RCC1: variants seen among roughly 807,000 people sequenced by gnomAD.
The protein encoded by RCC1 is regulator of chromosome condensation.
A neutral mutation model predicts 44.4 loss-of-function variants in RCC1; 11 were observed. That is an observed-to-expected ratio of 0.25 (90% confidence interval 0.16 to 0.41). The LOEUF (loss-of-function observed/expected upper bound fraction) is 0.41. Ranked by LOEUF, RCC1 falls within the 10% of genes least tolerant of loss-of-function variation. The pLI is 1.00. For missense variants in RCC1, 386 were observed against 547.1 expected (o/e 0.71, Z 2.94); for synonymous variants, 213 against 216.5 (o/e 0.98, Z 0.14).
chr1:28,532,704 G>T (rs1291201150), intron 7 of RCC1: 1 of 484,484 alleles, frequency 2.1e-6, no homozygotes, highest in East Asian at 6.0e-5. Context: ...CCAGAGGCTT[G>T]GATGGGGCAA....
chr1:28,520,914 C>T (rs1025508036), intron 4 of RCC1, among the ~76,000 whole-genome samples: 1 of 151,978 alleles, frequency 6.6e-6, no homozygotes, highest in African/African-American at 2.4e-5. Context: ...CCCGTCTTTA[C>T]TAAAAATACC....
At chr1:28,507,327 C>T (rs188916501) in intron 1 of RCC1, 1 of 512,678 alleles carries the variant, frequency 2.0e-6, no homozygotes, top group Non-Finnish European at 3.9e-6. Flanking sequence ...GAAATTGTTT[C>T]CTATTGGATT....
intron 3 of RCC1, chr1:28,511,037 T>C (rs1662497750): frequency 6.6e-6 from 1 of 152,258 alleles, no homozygotes; most frequent in African/African-American, 2.4e-5. Flanking sequence ...CCCACTCTGC[T>C]AAACTTCAGC....
At chr1:28,523,084 T>G (rs1570190651) in intron 4 of RCC1, among the ~76,000 whole-genome samples, 2 of 136,450 alleles carry the variant, frequency 1.5e-5, no homozygotes, top group Admixed American at 8.5e-5. Context: ...CAGGCTGGAG[T>G]GCAGTGGCGT....
chr1:28,526,828 G>A, intron 4 of RCC1: 1 of 592,976 alleles, frequency 1.7e-6, no homozygotes, highest in East Asian at 2.8e-5. Flanking sequence ...ACCCAGGAGG[G>A]GGAGGTTGCA....
chr1:28,511,515 C>T (rs1392440428), intron 3 of RCC1, among the ~76,000 whole-genome samples: 1 of 151,656 alleles, frequency 6.6e-6, no homozygotes, highest in African/African-American at 2.4e-5. Context: ...ACTACAGGTG[C>T]ACGCCGCCAC....
At chr1:28,527,196 T>C (rs1370890582) in intron 4 of RCC1, 28 of 1,050,106 alleles carry the variant, frequency 2.7e-5, no homozygotes, top group Non-Finnish European at 3.3e-5. Context: ...GGGCAACTGA[T>C]GCTCAGAGTA....
intron 3 of RCC1, among the ~76,000 whole-genome samples, chr1:28,511,891 T>G (rs1302974695): frequency 6.6e-6 from 1 of 151,590 alleles, no homozygotes; most frequent in Non-Finnish European, 1.5e-5. Flanking sequence ...CTCGAACTCC[T>G]GACCTCAAGT....
chr1:28,527,145 G>T, intron 4 of RCC1: 2 of 1,275,114 alleles, frequency 1.6e-6, no homozygotes, highest in Admixed American at 1.8e-5. Context: ...CCTGAGGGCT[G>T]CAGTGGCAGA....
intron 4 of RCC1, among the ~76,000 whole-genome samples, chr1:28,524,391 T>G (rs1156334289): frequency 1.3e-5 from 2 of 152,158 alleles, no homozygotes; most frequent in Non-Finnish European, 2.9e-5. Flanking sequence ...TCCTCTGGAC[T>G]TTTTTAGGAT....
At chr1:28,523,219 G>C (rs1175338722) in intron 4 of RCC1, among the ~76,000 whole-genome samples, 1 of 151,836 alleles carries the variant, frequency 6.6e-6, no homozygotes. Context: ...TTTTAGTAGA[G>C]ACGGGGTTTC....
At chr1:28,531,048 G>T (rs1195090534) in intron 5 of RCC1, among the ~76,000 whole-genome samples, 1 of 152,062 alleles carries the variant, frequency 6.6e-6, no homozygotes, top group Non-Finnish European at 1.5e-5. Flanking sequence ...GGCTAACACG[G>T]TGAAACCCCG....
chr1:28,536,410 G>C lies in RCC1; in HGVS notation c.937+29G>C. 1 of 1,607,382 alleles carries C rather than the reference G, an allele frequency of 6.2e-7. No individual in the cohort carries two copies. The highest frequency in any genetic ancestry group is 8.5e-7 in the Non-Finnish European group (1 of 1,177,872). On this transcript the variant is annotated intron_variant, in intron 11 of 12. Coordinates refer to ENST00000683442, the MANE Select transcript of RCC1 (RefSeq NM_001381865.2). This position sits in a 1 kb window ranked among gnomAD's most constrained non-coding sequence, Gnocchi z 4.9. ...GGGCCTTTACGTCCTTCTCTAGTTTGGGGGTGGAGTGTTCCCTGGCCTAGG... is the reference window on the plus strand; with the variant it reads ...GGGCCTTTACGTCCTTCTCTAGTTTCGGGGTGGAGTGTTCCCTGGCCTAGG...
intron 3 of RCC1, among the ~76,000 whole-genome samples, chr1:28,511,395 T>C (rs1453342297): frequency 7.2e-6 from 1 of 137,948 alleles, no homozygotes. Context: ...TCCAATTTTT[T>C]GTTTTTTGTT....
chr1:28,510,109 A>G (rs949304461), intron 3 of RCC1: 1 of 152,284 alleles, frequency 6.6e-6, no homozygotes, highest in Non-Finnish European at 1.5e-5. Flanking sequence ...TAGAAGGTAA[A>G]GTTACCTACT....
chr1:28,522,661 A>G (rs1663358604), intron 4 of RCC1, among the ~76,000 whole-genome samples: 1 of 151,702 alleles, frequency 6.6e-6, no homozygotes. Context: ...AAAAAAAATT[A>G]CAAATTAGCC....
chr1:28,523,440 T>A (rs745752632), intron 4 of RCC1, among the ~76,000 whole-genome samples: 21 of 152,204 alleles, frequency 1.4e-4, no homozygotes, highest in Non-Finnish European at 2.6e-4. Flanking sequence ...CTCAGTTTTC[T>A]TCTCTGTAGA....
At chr1:28,532,142 T>G in intron 6 of RCC1, 29 bp from the exon 7 acceptor site, 1 of 1,604,952 alleles carries the variant, frequency 6.2e-7, no homozygotes, top group Non-Finnish European at 8.5e-7. Flanking sequence ...AGGCCAGACG[T>G]TGCATTAATG....
chr1:28,528,796 A>AT (rs141797302), intron 4 of RCC1, among the ~76,000 whole-genome samples: 17,535 of 81,344 alleles, frequency 0.22, 1,409 homozygotes, highest in African/African-American at 0.35. Flanking sequence ...TTGTGTATGC[A>AT]TTTTTTTTCC....
Sources: allele counts gnomAD v4.1 joint callset (sites outside exome capture counted in the v4.1 genomes callset), GRCh38; gene constraint gnomAD v4.1.1; non-coding constraint Gnocchi (gnomAD v3.1); transcripts MANE v1.5; gene names NCBI Gene and HGNC (gene_info 2026-07-23, HGNC 2026-07-21).